The following OTUD7B variants were observed in gnomAD, a reference collection of about 807,000 sequenced individuals.
OTUD7B encodes OTU domain-containing protein 7B.
Under a neutral mutation model 82.2 loss-of-function variants are expected in OTUD7B, and 34 were observed. That is an observed-to-expected ratio of 0.41 (90% CI 0.31 to 0.55). The LOEUF (loss-of-function observed/expected upper bound fraction) is 0.55, where lower values mean the gene tolerates loss of function less well. Among genes scored for constraint, OTUD7B ranks in the 20% least tolerant of loss-of-function variants. The probability of loss-of-function intolerance (pLI) is 0.20; values close to 1 mark genes in which losing one functional copy is unlikely to be tolerated. For missense variants in OTUD7B, 944 were observed against 1,062.1 expected, an observed-to-expected ratio of 0.89 and a Z score of 1.55; for synonymous variants, 398 against 402.7, an observed-to-expected ratio of 0.99 and a Z score of 0.14.
rs1045068194 is a variant in OTUD7B, at chr1:149,984,687, A to T, written c.-66-7111T>A. 2.4e-4 allele frequency among the ~76,000 whole-genome samples: 37 copies of T among 152,278 alleles called. 1 individual carries two copies. Among genetic ancestry groups the T allele is most frequent in the Admixed American group, 1.5e-3 (23 of 15,288 alleles). ...CATACAGGCACTTAAAATTCAGTAT[A>T]TAAAAACATGAGCTTATTCTCTCAT... is the stretch of plus-strand genomic sequence containing the variant. On this transcript the variant is annotated intron_variant, in intron 1 of 11. Transcript: ENST00000581312.
intron 1 of OTUD7B, among the ~76,000 whole-genome samples, chr1:150,004,636 C>G (rs1443013911): frequency 6.7e-6 from 1 of 150,148 alleles, no homozygotes; most frequent in Non-Finnish European, 1.5e-5. Context: ...ACTTATAAGC[C>G]TAGCTTTTTA....
At chr1:150,033,408 C>T in the OTUD7B span, among the ~76,000 whole-genome samples, 1 of 152,092 alleles carries the variant, frequency 6.6e-6, no homozygotes. Flanking sequence ...GCTGCCCAGA[C>T]AACTAAGTGA....
chr1:150,049,466 T>C, the OTUD7B span, among the ~76,000 whole-genome samples: 3 of 152,132 alleles, frequency 2.0e-5, no homozygotes, highest in African/African-American at 7.2e-5. Context: ...GACTTGTATA[T>C]TTTGTGCCAT....
At chr1:150,035,937 T>C in the OTUD7B span, among the ~76,000 whole-genome samples, 1 of 150,176 alleles carries the variant, frequency 6.7e-6, no homozygotes, top group Non-Finnish European at 1.5e-5. Flanking sequence ...TGTTACTATG[T>C]GGTCTTCACC....
the OTUD7B span, among the ~76,000 whole-genome samples, chr1:150,046,979 G>A: frequency 6.6e-6 from 1 of 152,066 alleles, no homozygotes. Context: ...GCTAAGGCAG[G>A]AGCATTGCTT....
At chr1:150,002,399 A>C (rs1553785063) in intron 1 of OTUD7B, among the ~76,000 whole-genome samples, 1 of 152,156 alleles carries the variant, frequency 6.6e-6, no homozygotes, top group African/African-American at 2.4e-5. Flanking sequence ...ACAGCTGAAA[A>C]ATCCTAACAC....
At chr1:150,014,364 A>C (rs929060683), upstream of OTUD7B, among the ~76,000 whole-genome samples, 1 of 141,934 alleles carries the variant, frequency 7.0e-6, no homozygotes, top group Non-Finnish European at 1.5e-5. Context: ...GCACCACTGC[A>C]CTCCAGCCTG....
At chr1:150,064,768 A>G in the OTUD7B span, among the ~76,000 whole-genome samples, 1 of 152,192 alleles carries the variant, frequency 6.6e-6, no homozygotes, top group Non-Finnish European at 1.5e-5. Flanking sequence ...CTTCCTTCCT[A>G]TCCATGGCTT....
chr1:150,013,302 G>A (rs1653154225), upstream of OTUD7B, among the ~76,000 whole-genome samples: 1 of 152,174 alleles, frequency 6.6e-6, no homozygotes, highest in Non-Finnish European at 1.5e-5. Context: ...CTTTAAGCAA[G>A]AGCAGAAAAA....
intron 11 of OTUD7B, among the ~76,000 whole-genome samples, chr1:149,946,739 C>T (rs11205304): frequency 4.7e-5 from 1 of 21,398 alleles, no homozygotes; most frequent in African/African-American, 2.1e-4. Context: ...AAGACTTCCT[C>T]TGAAAAAAAA....
At chr1:149,959,250 GA>G (rs1648960862) in intron 7 of OTUD7B, among the ~76,000 whole-genome samples, 1 of 147,390 alleles carries the variant, frequency 6.8e-6, no homozygotes, top group Non-Finnish European at 1.5e-5. Context: ...GAAAGAAAAA[GA>G]AAGGGGGTCT....
At chr1:150,004,450 C>T (rs1652521283) in intron 1 of OTUD7B, among the ~76,000 whole-genome samples, 1 of 151,906 alleles carries the variant, frequency 6.6e-6, no homozygotes, top group South Asian at 2.1e-4. Flanking sequence ...ATCCCAGCTA[C>T]TCAGGAGGCT....
At chr1:150,042,383 G>A in the OTUD7B span, among the ~76,000 whole-genome samples, 1 of 151,654 alleles carries the variant, frequency 6.6e-6, no homozygotes. Context: ...ATGTTGGCCA[G>A]GCTGGTCTCG....
At chr1:149,959,479 G>C (rs1258342711) in intron 7 of OTUD7B, among the ~76,000 whole-genome samples, 6 of 152,140 alleles carry the variant, frequency 3.9e-5, no homozygotes, top group Non-Finnish European at 8.8e-5. Context: ...CCAAAGTCTA[G>C]ATGGGCTACT....
intron 1 of OTUD7B, among the ~76,000 whole-genome samples, chr1:149,992,218 C>T (rs1334021515): frequency 5.9e-5 from 9 of 152,168 alleles, no homozygotes; most frequent in Admixed American, 3.9e-4. Context: ...AGCAAGACTC[C>T]GTCTCAAAAT....
chr1:150,002,404 T>C (rs782795398), intron 1 of OTUD7B, among the ~76,000 whole-genome samples: 1 of 152,178 alleles, frequency 6.6e-6, no homozygotes, highest in Non-Finnish European at 1.5e-5. Flanking sequence ...TGAAAAATCC[T>C]AACACCTCAT....
chr1:149,998,004 C>G (rs1199135843), intron 1 of OTUD7B, among the ~76,000 whole-genome samples: 1 of 152,132 alleles, frequency 6.6e-6, no homozygotes, highest in Non-Finnish European at 1.5e-5. Context: ...GACTCAGTAC[C>G]TTTCAAAGCT....
chr1:150,021,338 G>A, the OTUD7B span, among the ~76,000 whole-genome samples: 1 of 152,168 alleles, frequency 6.6e-6, no homozygotes, highest in Admixed American at 6.5e-5. Flanking sequence ...GAGGACTGGA[G>A]TCAGGTTTTC....
rs587650019 is a variant in OTUD7B at position 149,952,879 on chromosome 1, C to T, written c.846-2658G>A. On this transcript the variant is annotated intron_variant, in intron 7 of 11. Coordinates refer to ENST00000581312, the MANE Select transcript of OTUD7B (RefSeq NM_020205.4). ...GAGAAGTGTCTGTTTATATGCTTCG[C>T]CCACTTTTTGATGGGGTTGATTTTT... Among the ~76,000 whole-genome samples, 8 of 152,256 alleles carry T rather than the reference C, an allele frequency of 5.3e-5. No individual in the cohort carries two copies. The East Asian group carries it at 1.3e-3, about 26-fold the overall frequency.
Sources: gnomAD v4.1 joint callset for allele counts (sites outside exome capture counted in the v4.1 genomes callset) on GRCh38, gnomAD v4.1.1 for gene constraint, MANE v1.5 for transcripts, NCBI Gene and HGNC (gene_info 2026-07-23, HGNC 2026-07-21) for gene names.